HLA-DMB: variants seen among roughly 807,000 people sequenced by gnomAD.
HLA-DMB encodes the protein major histocompatibility complex, class II, DM beta, also known as HLA class II histocompatibility antigen, DM beta chain.
HLA-DMB carries 18 observed loss-of-function variants against 29.3 expected under a neutral mutation model. The observed-to-expected ratio is 0.62, with a 90% CI of 0.43 to 0.91. HLA-DMB has a LOEUF of 0.91. HLA-DMB is among the 40% of genes least tolerant of loss of function. The pLI, the probability that HLA-DMB is intolerant of heterozygous loss-of-function variation, is 0.00. For missense variants in HLA-DMB, 258 were observed against 320.9 expected (o/e 0.80, Z 1.50); for synonymous variants, 143 against 128.7 (o/e 1.11, Z -0.75).
At position 32,934,909 on chromosome 6, in the gene HLA-DMB, T is replaced by C; in HGVS notation, c.*62A>G. 6.8e-7 allele frequency: 1 copy of C among 1,479,980 alleles called. No individual in the cohort carries two copies. Among genetic ancestry groups the C allele is most frequent in the Non-Finnish European group, 9.4e-7 (1 of 1,058,976 alleles). 91.7% of individuals were successfully genotyped at this position (1,479,980 alleles called of 1,614,324 possible). On this transcript the variant is annotated 3_prime_UTR_variant, in exon 6 of 6. Transcript: ENST00000418107. ...GGGGGTTGAAGATGTTGGAGAGGCA[T>C]GGTAGCATCATTGAGTTTGAATCTC... is the stretch of plus-strand genomic sequence containing the variant.
rs201241130 is a variant in HLA-DMB at position 32,934,992 on chromosome 6, A to G, written c.776-5T>C. On this transcript the variant is annotated splice_region_variant and splice_polypyrimidine_tract_variant and intron_variant, in intron 5 of 5. Transcript: ENST00000418107. ...GCCTCTAGGAAATGTGCCATCCTAC[A>G]GAATAAATAAAAGGGAGATAATGAG... 145 of 1,612,748 alleles carry G rather than the reference A, an allele frequency of 9.0e-5. No individual in the cohort carries two copies. The highest frequency in any genetic ancestry group is 6.7e-5 in the Admixed American group (4 of 59,988).
chr6:32,935,212 A>T, intron 5 of HLA-DMB, 130 bp downstream of exon 5: 1 of 873,570 alleles, frequency 1.1e-6, no homozygotes, highest in Non-Finnish European at 1.9e-6. Flanking sequence ...AGCTTAAATC[A>T]TGCCCTTGCC....
Position 32,937,497 on chromosome 6 carries a change from A to G in HLA-DMB, c.338-41T>C. On this transcript the variant is annotated intron_variant, in intron 2 of 5. Coordinates refer to ENST00000418107, the MANE Select transcript of HLA-DMB (RefSeq NM_002118.5). The surrounding 1 kb of genome is among the most constrained non-coding windows in gnomAD (Gnocchi z 4.1). ...AAACATGTTTAGGAAGGAGGGTGACATTCTGGCTGCTTCCTCAACCTGGTT... is the reference window on the plus strand; with the variant it reads ...AAACATGTTTAGGAAGGAGGGTGACGTTCTGGCTGCTTCCTCAACCTGGTT... 6.4e-7 allele frequency: 1 copy of G among 1,569,318 alleles called. No homozygotes were observed. Among genetic ancestry groups the G allele is most frequent in the Non-Finnish European group, 8.7e-7 (1 of 1,151,430 alleles).
In HLA-DMB at chr6:32,935,636, G is replaced by C. The variant is rs753394072; in HGVS notation, c.639C>G (p.Pro213=). 47 of 1,612,188 alleles carry C rather than the reference G, an allele frequency of 2.9e-5. No individual in the cohort carries two copies. Among genetic ancestry groups the C allele is most frequent in the Non-Finnish European group, 3.6e-5 (42 of 1,179,580 alleles). The change falls in exon 4 of 6, where the codon CCC becomes CCG. Residue 213 remains proline (P), a synonymous_variant. Transcript: ENST00000418107. ...ILRDWTPGLS[P]MQTLKVSVSA... is the part of the protein sequence containing the mutation. ...ACACAGAAACCTTCAGGGTCTGCAT[G>C]GGGGACAGCCCAGGTGCTGCAAAAA...
chr6:32,935,265 T>C, intron 5 of HLA-DMB, 77 bp downstream of exon 5: 1 of 1,189,590 alleles, frequency 8.4e-7, no homozygotes, highest in Non-Finnish European at 1.3e-6. Context: ...TCAAGATTAG[T>C]TGAACCCAAC....
intron 2 of HLA-DMB, chr6:32,938,452 A>G (rs1776136261): frequency 2.4e-6 from 1 of 409,550 alleles, no homozygotes; most frequent in African/African-American, 2.0e-5. Context: ...TAAGCTCCCC[A>G]CATGGCACCT....
intron 3 of HLA-DMB, 96 bp from the exon 4 acceptor site, chr6:32,935,748 C>CT: frequency 7.6e-6 from 6 of 791,770 alleles, no homozygotes; most frequent in Non-Finnish European, 1.3e-5. Flanking sequence ...TTAAAAGGTC[C>CT]TTTATCCCAG....
intron 1 of HLA-DMB, among the ~76,000 whole-genome samples, chr6:32,939,649 G>T (rs751575457): frequency 6.6e-6 from 1 of 152,102 alleles, no homozygotes; most frequent in Non-Finnish European, 1.5e-5. Flanking sequence ...ACAAAGAAAT[G>T]ATAAATGAGA....
At position 32,940,957 on chromosome 6, in the gene HLA-DMB, C is replaced by G. The variant is rs1214220606; in HGVS notation, c.-150G>C. 1.7e-6 allele frequency: 1 copy of G among 576,312 alleles called. No homozygotes were observed. Among genetic ancestry groups the G allele is most frequent in the African/African-American group, 1.9e-5 (1 of 53,992 alleles). The allele number at this position is 576,312 out of a possible 1,614,324, so 35.7% of individuals were successfully genotyped here. ...TATATTGCCCGGGTCCCTTGACCCC[C>G]CAAATGAGTGATGTGGGGATACCCA... On this transcript the variant is annotated 5_prime_UTR_variant, in exon 1 of 6. Transcript: ENST00000418107.
chr6:32,940,865 C>T lies in HLA-DMB; in HGVS notation c.-58G>A, dbSNP rs905765915. The T allele has an allele frequency of 2.1e-6, 3 of 1,400,672 alleles. No individual in the cohort carries two copies. Among genetic ancestry groups the T allele is most frequent in the South Asian group, 2.5e-5 (2 of 81,014 alleles). 86.8% of individuals were successfully genotyped at this position (1,400,672 alleles called of 1,614,324 possible). On this transcript the variant is annotated 5_prime_UTR_variant, in exon 1 of 6. Transcript: ENST00000418107. ...CCCCTGGACCAGCTCTTCCAGGGTC[C>T]GTGGGTCCTCGCCTGTCCCAGAAGC...
chr6:32,936,171 A>C, intron 3 of HLA-DMB: 1 of 156,182 alleles, frequency 6.4e-6, no homozygotes, highest in Non-Finnish European at 1.4e-5. Flanking sequence ...TCTCCATCCC[A>C]CTCCACAGCC....
Position 32,937,487 on chromosome 6 carries a change from G to C in HLA-DMB, c.338-31C>G. 6.3e-7 allele frequency: 1 copy of C among 1,589,848 alleles called. No individual in the cohort carries two copies. The highest frequency in any genetic ancestry group is 1.3e-5 in the African/African-American group (1 of 74,476). On this transcript the variant is annotated intron_variant, in intron 2 of 5. Transcript: ENST00000418107. The surrounding 1 kb of genome is among the most constrained non-coding windows in gnomAD (Gnocchi z 4.1). ...TAGGAGAAAAAAACATGTTTAGGAA[G>C]GAGGGTGACATTCTGGCTGCTTCCT... is the stretch of plus-strand genomic sequence containing the variant.
intron 1 of HLA-DMB, 35 bp downstream of exon 1, chr6:32,940,718 G>A: frequency 1.3e-6 from 2 of 1,566,852 alleles, no homozygotes; most frequent in Non-Finnish European, 1.7e-6. Flanking sequence ...AACAGGAGCA[G>A]GGGAAGGGAG....
chr6:32,939,029 AATAT>A, intron 1 of HLA-DMB, 64 bp from the exon 2 acceptor site: 24 of 956,314 alleles, frequency 2.5e-5, no homozygotes, highest in Non-Finnish European at 3.1e-5. Context: ...TAAATAAATA[AATAT>A]ATAAATAATA....
chr6:32,937,720 A>G lies in HLA-DMB; in HGVS notation c.338-264T>C, dbSNP rs1776093807. Reference sequence around the variant, plus strand: ...TTACAATTAGTAAAAGCCAGATCTGAACTGCAAGCTGTTCTAGAAGTTGTT... The same window carrying G: ...TTACAATTAGTAAAAGCCAGATCTGGACTGCAAGCTGTTCTAGAAGTTGTT... On this transcript the variant is annotated intron_variant, in intron 2 of 5. Coordinates refer to ENST00000418107, the MANE Select transcript of HLA-DMB (RefSeq NM_002118.5). The surrounding 1 kb of genome is among the most constrained non-coding windows in gnomAD (Gnocchi z 4.1). 1 of 524,206 alleles carries G rather than the reference A, an allele frequency of 1.9e-6. No individual in the cohort carries two copies. Among genetic ancestry groups the G allele is most frequent in the Admixed American group, 3.5e-5 (1 of 28,634 alleles). 32.5% of individuals were successfully genotyped at this position (524,206 alleles called of 1,614,324 possible).
At position 32,935,560 on chromosome 6, in the gene HLA-DMB, T is replaced by A. The variant is rs1281495763; in HGVS notation, c.715A>T (p.Ser239Cys). Residue 239 changes from serine to cysteine, a missense_variant, in exon 4 of 6, where the codon AGC (serine) becomes TGC (cysteine). Coordinates refer to ENST00000418107, the MANE Select transcript of HLA-DMB (RefSeq NM_002118.5). ...GLIIFSLGVI[S>C]WRRAGHSSYT... ...CTAGAGTGGCCAGCTCTCCGCCAGC[T>A]GATCACACCAAGAGAGAAGATGATG... The A allele has an allele frequency of 1.2e-6, 2 of 1,612,908 alleles. No individual in the cohort carries two copies. The highest frequency in any genetic ancestry group is 2.7e-5 in the African/African-American group (2 of 74,878).
At chr6:32,935,096 G>T in intron 5 of HLA-DMB, 109 bp from the exon 6 acceptor site, 1 of 1,284,292 alleles carries the variant, frequency 7.8e-7, no homozygotes, top group Non-Finnish European at 1.1e-6. Flanking sequence ...AAACTCCAGG[G>T]CACCAACAAC....
intron 5 of HLA-DMB, 141 bp downstream of exon 5, chr6:32,935,201 C>T: frequency 1.2e-6 from 1 of 836,494 alleles, no homozygotes. Flanking sequence ...CTAGCAATGG[C>T]AGCTTAAATC....
At chr6:32,938,465 C>T (rs560771717) in intron 2 of HLA-DMB, 14 of 419,160 alleles carry the variant, frequency 3.3e-5, no homozygotes, top group Non-Finnish European at 4.6e-5. Context: ...TGGCACCTCG[C>T]GGTTCAAGCC....
Sources: allele counts gnomAD v4.1 joint callset (sites outside exome capture counted in the v4.1 genomes callset), GRCh38; gene constraint gnomAD v4.1.1; non-coding constraint Gnocchi (gnomAD v3.1); transcripts MANE v1.5; gene names NCBI Gene and HGNC (gene_info 2026-07-23, HGNC 2026-07-21).